STK33: variants seen among roughly 807,000 people sequenced by gnomAD.
STK33 encodes serine/threonine-protein kinase 33.
STK33 carries 52 observed loss-of-function variants against 58.0 expected under a neutral mutation model. The ratio of observed to expected loss-of-function variants is 0.90; its 90% CI spans 0.72 to 1.13. The LOEUF (loss-of-function observed/expected upper bound fraction) is 1.13. Among genes scored for constraint, STK33 ranks in the 50% most tolerant of loss-of-function variants. The pLI, the probability that STK33 is intolerant of heterozygous loss-of-function variation, is 0.00. For synonymous variants in STK33, 215 were observed against 200.1 expected, an observed-to-expected ratio of 1.07 and a Z score of -0.63; for missense variants, 630 against 604.2, an observed-to-expected ratio of 1.04 and a Z score of -0.45.
intron 1 of STK33, among the ~76,000 whole-genome samples, chr11:8,556,539 T>C (rs1956755057): frequency 6.6e-6 from 1 of 152,168 alleles, no homozygotes; most frequent in African/African-American, 2.4e-5. Flanking sequence ...TTCCACCCCC[T>C]TTCCCTTCCA....
At chr11:8,455,056 T>C (rs558513327) in intron 9 of STK33, among the ~76,000 whole-genome samples, 1 of 152,188 alleles carries the variant, frequency 6.6e-6, no homozygotes, top group Non-Finnish European at 1.5e-5. Flanking sequence ...CATTTCCCTG[T>C]GACCCCAGCT....
intron 1 of STK33, among the ~76,000 whole-genome samples, chr11:8,584,558 C>T (rs1414236605): frequency 6.6e-6 from 1 of 152,194 alleles, no homozygotes; most frequent in Non-Finnish European, 1.5e-5. Flanking sequence ...CAGTGAGAGA[C>T]TATGGGCAAT....
At chr11:8,380,909 A>G in the STK33 span, among the ~76,000 whole-genome samples, 1 of 152,194 alleles carries the variant, frequency 6.6e-6, no homozygotes, top group Admixed American at 6.5e-5. Flanking sequence ...ACTACTATAC[A>G]CACATATATA....
chr11:8,547,855 C>T (rs1012873298), intron 1 of STK33, among the ~76,000 whole-genome samples: 3 of 151,884 alleles, frequency 2.0e-5, no homozygotes, highest in African/African-American at 4.8e-5. Context: ...AGTTCATGTC[C>T]TTTGTAGGGA....
At chr11:8,589,303 A>C (rs576838578) in intron 1 of STK33, among the ~76,000 whole-genome samples, 19 of 152,338 alleles carry the variant, frequency 1.2e-4, no homozygotes, top group African/African-American at 4.6e-4. Flanking sequence ...AAAATGTACC[A>C]TACAATGGAA....
chr11:8,413,608 T>C lies in STK33; in HGVS notation c.1231A>G (p.Asn411Asp). 6.2e-7 allele frequency: 1 copy of C among 1,614,066 alleles called. No individual in the cohort carries two copies. Among genetic ancestry groups the C allele is most frequent in the Non-Finnish European group, 8.5e-7 (1 of 1,179,964 alleles). ...GGCTTATTCTTCTCTTCTGTTGTGT[T>C]TTCCTCAACACTTTCTGGGTTATTT... is the stretch of plus-strand genomic sequence containing the variant. ...WKNNPESVEE[N>D]TTEEKNKPST... Residue 411 changes from asparagine to aspartate, a missense_variant, in exon 15 of 16, where the codon AAC (asparagine) becomes GAC (aspartate). Asn to Asp is a conservative substitution (Grantham distance 23). Coordinates refer to ENST00000687296, the MANE Select transcript of STK33 (RefSeq NM_001352389.2).
At chr11:8,541,352 G>A (rs1955505174) in intron 1 of STK33, among the ~76,000 whole-genome samples, 1 of 151,986 alleles carries the variant, frequency 6.6e-6, no homozygotes, top group South Asian at 2.1e-4. Flanking sequence ...TACATTTCCT[G>A]CTTTATCTGT....
At position 8,441,758 on chromosome 11, in the gene STK33, A is replaced by G. The variant is rs575941458; in HGVS notation, c.872-1005T>C. Among the ~76,000 whole-genome samples, 17 of 152,346 alleles carry G rather than the reference A, an allele frequency of 1.1e-4. No homozygotes were observed. In the South Asian group the frequency reaches 2.9e-3, roughly 26 times the overall value. ...ATTTAAGAAAAAATAAAAAGAAAAT[A>G]GTTATAAGCAGAAAAATACAATATA... On this transcript the variant is annotated intron_variant, in intron 11 of 15. Transcript: ENST00000687296.
chr11:8,349,198 G>C, the STK33 span, among the ~76,000 whole-genome samples: 2 of 152,186 alleles, frequency 1.3e-5, no homozygotes, highest in African/African-American at 4.8e-5. Context: ...CTGTAAACTG[G>C]GGGCAGTAAT....
At chr11:8,510,629 T>C (rs1351065434) in intron 1 of STK33, among the ~76,000 whole-genome samples, 1 of 152,218 alleles carries the variant, frequency 6.6e-6, no homozygotes, top group Non-Finnish European at 1.5e-5. Flanking sequence ...ATTTTTATAG[T>C]TTCAAGTCTT....
At chr11:8,484,219 T>C (rs1015525044) in intron 1 of STK33, among the ~76,000 whole-genome samples, 13 of 152,222 alleles carry the variant, frequency 8.5e-5, no homozygotes, top group Non-Finnish European at 1.6e-4. Context: ...GGTGTGTATA[T>C]ATCTGAATGG....
chr11:8,342,324 C>T, the STK33 span, among the ~76,000 whole-genome samples: 2 of 152,214 alleles, frequency 1.3e-5, no homozygotes, highest in Non-Finnish European at 2.9e-5. Context: ...TCAATTCCTC[C>T]TTATGTGAGG....
the STK33 span, among the ~76,000 whole-genome samples, chr11:8,337,760 C>T: frequency 2.6e-5 from 4 of 152,114 alleles, no homozygotes; most frequent in Admixed American, 1.3e-4. Context: ...CCAGCCCTGA[C>T]CCTTGGCTGA....
chr11:8,413,638 A>T lies in STK33; in HGVS notation c.1201T>A (p.Trp401Arg), dbSNP rs759917299. The change falls in exon 15 of 16, where the codon TGG becomes AGG. Residue 401 changes from tryptophan (W) to arginine (R), a missense_variant. Physicochemically the swap from Trp to Arg is moderately radical, Grantham distance 101. Coordinates refer to ENST00000687296, the MANE Select transcript of STK33 (RefSeq NM_001352389.2). ...TCAACACTTTCTGGGTTATTTTTCC[A>T]TTCCTTCATCATCTCTAATACATTG... is the stretch of plus-strand genomic sequence containing the variant. ...PTNVLEMMKEWKNNPESVEEN... is the reference protein window; with the variant it reads ...PTNVLEMMKERKNNPESVEEN... The T allele has an allele frequency of 6.2e-7, 1 of 1,613,888 alleles. No homozygotes were observed. Among genetic ancestry groups the T allele is most frequent in the Non-Finnish European group, 8.5e-7 (1 of 1,179,932 alleles).
intron 4 of STK33, chr11:8,475,818 A>G (rs1307679517): frequency 2.6e-5 from 4 of 152,188 alleles, no homozygotes; most frequent in Admixed American, 2.6e-4. Flanking sequence ...AGTAATTGGG[A>G]GTACATTATT....
intron 15 of STK33, among the ~76,000 whole-genome samples, 165 bp downstream of exon 15, chr11:8,413,330 C>T (rs533761780): frequency 3.3e-5 from 5 of 152,316 alleles, no homozygotes; most frequent in African/African-American, 9.6e-5. Context: ...TAGGCCACCT[C>T]GCTAAATCAT....
intron 9 of STK33, among the ~76,000 whole-genome samples, chr11:8,455,981 C>T (rs192870505): frequency 6.6e-6 from 1 of 152,240 alleles, no homozygotes; most frequent in African/African-American, 2.4e-5. Context: ...TCTCTTTTTA[C>T]ATAAATACCA....
intron 4 of STK33, among the ~76,000 whole-genome samples, chr11:8,476,177 C>T (rs57676287): frequency 6.6e-6 from 1 of 152,182 alleles, no homozygotes; most frequent in Non-Finnish European, 1.5e-5. Context: ...CATTAACATC[C>T]TACATTTCCG....
intron 8 of STK33, among the ~76,000 whole-genome samples, chr11:8,458,421 TAA>T (rs34675150): frequency 0.46 from 65,980 of 143,666 alleles, 14,843 homozygotes; most frequent in South Asian, 0.57. Context: ...TATGGGCCAT[TAA>T]AAAAAAAAAA....
Sources: gnomAD v4.1 joint callset for allele counts (sites outside exome capture counted in the v4.1 genomes callset) on GRCh38, gnomAD v4.1.1 for gene constraint, MANE v1.5 for transcripts, NCBI Gene and HGNC (gene_info 2026-07-23, HGNC 2026-07-21) for gene names.